DMD: variants seen among roughly 807,000 people sequenced by gnomAD.
DMD encodes mutant dystrophin.
DMD carries 63 observed loss-of-function variants against 330.1 expected under a neutral mutation model. The observed-to-expected ratio is 0.19, with a 90% CI of 0.16 to 0.24. DMD has a LOEUF of 0.24. Among genes scored for constraint, DMD ranks in the 10% least tolerant of loss-of-function variants. The pLI is 1.00. For synonymous variants in DMD, 1,223 were observed against 959.8 expected (o/e 1.27, Z -5.07); for missense variants, 3,344 against 2,684.1 (o/e 1.25, Z -5.43).
chrX:32,844,707 T>A, intron 4 of DMD, 76 bp downstream of exon 4: 1 of 874,879 alleles, frequency 1.1e-6, no homozygotes, highest in Admixed American at 2.2e-5. Flanking sequence ...TTCTCTGCAT[T>A]TGGGGCCAAA....
chrX:32,422,893 G>A (rs1027064768), intron 29 of DMD, among the ~76,000 whole-genome samples: 3 of 111,362 alleles, frequency 2.7e-5, no homozygotes, highest in Non-Finnish European at 5.7e-5. Context: ...TTAAAAAGTT[G>A]AGAGTGGTAA....
intron 55 of DMD, among the ~76,000 whole-genome samples, chrX:31,584,979 T>C (rs774964076): frequency 7.9e-4 from 87 of 110,783 alleles, no homozygotes; most frequent in Non-Finnish European, 1.4e-3. Flanking sequence ...ATAAGTTTTT[T>C]TTTTAAAGGA....
intron 62 of DMD, among the ~76,000 whole-genome samples, chrX:31,274,226 T>G (rs940732145): frequency 2.7e-4 from 30 of 112,126 alleles, no homozygotes; most frequent in African/African-American, 7.1e-4. Context: ...AAGATTTTTT[T>G]TGTGTGTGTG....
intron 50 of DMD, among the ~76,000 whole-genome samples, chrX:31,779,215 A>G (rs1366109977): frequency 8.9e-6 from 1 of 111,972 alleles, no homozygotes; most frequent in Non-Finnish European, 1.9e-5. Context: ...AGGATATATA[A>G]ATTATTACAT....
chrX:31,986,187 A>T (rs1173708353), intron 44 of DMD, among the ~76,000 whole-genome samples: 2 of 111,781 alleles, frequency 1.8e-5, no homozygotes, highest in African/African-American at 6.5e-5. Flanking sequence ...ATTATTTACA[A>T]TCACATCTGG....
chrX:32,693,315 G>A (rs749380115), intron 9 of DMD, among the ~76,000 whole-genome samples: 41 of 112,328 alleles, frequency 3.7e-4, no homozygotes, highest in Non-Finnish European at 6.2e-4. Context: ...ATGAATATGT[G>A]TTGATTAGGG....
chrX:31,483,040 CT>C (rs375059694), intron 57 of DMD, among the ~76,000 whole-genome samples: 441 of 70,726 alleles, frequency 6.2e-3, no homozygotes, highest in African/African-American at 0.018. Context: ...GGAAATGGAT[CT>C]TTTTTTTTTT....
intron 44 of DMD, among the ~76,000 whole-genome samples, chrX:32,019,662 T>G (rs1339134607): frequency 1.8e-5 from 2 of 112,237 alleles, no homozygotes; most frequent in Non-Finnish European, 3.8e-5. Flanking sequence ...TAAAACTTCC[T>G]TACGTATGCT....
At chrX:32,163,409 T>A (rs1270955980) in intron 44 of DMD, among the ~76,000 whole-genome samples, 1 of 112,091 alleles carries the variant, frequency 8.9e-6, no homozygotes, top group Non-Finnish European at 1.9e-5. Context: ...CCAAATGAGT[T>A]TACTTAGAAA....
intron 9 of DMD, among the ~76,000 whole-genome samples, chrX:32,691,228 G>T (rs1020747190): frequency 9.1e-6 from 1 of 109,445 alleles, no homozygotes; most frequent in South Asian, 3.9e-4. Context: ...CAGGGCTTAG[G>T]TAAGATTTTG....
At chrX:31,143,680 C>G (rs750664119) in intron 76 of DMD, among the ~76,000 whole-genome samples, 1 of 111,792 alleles carries the variant, frequency 8.9e-6, no homozygotes, top group Non-Finnish European at 1.9e-5. Context: ...CTCCACAGAT[C>G]ATCAGGACCA....
rs1044117783 is a variant in DMD at position 32,684,863 on chromosome X, C to T, written c.960+13007G>A. 5.4e-5 allele frequency among the ~76,000 whole-genome samples: 6 copies of T among 110,864 alleles called. No individual in the cohort carries two copies. In the East Asian group the frequency reaches 1.7e-3, roughly 31 times the overall value. ...TTATATATGAGGGCTATCAATCCTT[C>T]GTATGTTATAAATGTTACTAATAAT... On this transcript the variant is annotated intron_variant, in intron 9 of 78. Coordinates refer to ENST00000357033, the MANE Select transcript of DMD (RefSeq NM_004006.3).
At chrX:31,952,466 T>G (rs6527136) in intron 45 of DMD, among the ~76,000 whole-genome samples, 41,487 of 106,491 alleles carry the variant, frequency 0.39, 7,492 homozygotes, top group African/African-American at 0.67. Context: ...TTTTTTTCTG[T>G]CTTACTATCT....
chrX:32,665,658 T>C (rs1385975406), intron 9 of DMD, among the ~76,000 whole-genome samples: 1 of 111,810 alleles, frequency 8.9e-6, no homozygotes, highest in East Asian at 2.8e-4. Flanking sequence ...GCAAAAAATA[T>C]ATGTGCTCTC....
intron 44 of DMD, among the ~76,000 whole-genome samples, chrX:32,060,312 T>C (rs1220537008): frequency 1.8e-5 from 2 of 111,675 alleles, no homozygotes; most frequent in Admixed American, 1.9e-4. Flanking sequence ...GATCACTTTC[T>C]GGTAAGAGAC....
At chrX:33,045,707 TATA>T (rs1162318207) in intron 1 of DMD, among the ~76,000 whole-genome samples, 1 of 110,601 alleles carries the variant, frequency 9.0e-6, no homozygotes, top group African/African-American at 3.3e-5. Context: ...AGAGGAACAT[TATA>T]ATGTCCTCTT....
At chrX:31,337,338 G>A (rs1022736517) in intron 61 of DMD, among the ~76,000 whole-genome samples, 5 of 111,562 alleles carry the variant, frequency 4.5e-5, no homozygotes, top group Admixed American at 1.9e-4. Context: ...ACCTGCAGTC[G>A]CCTGAAATCA....
intron 2 of DMD, among the ~76,000 whole-genome samples, chrX:32,930,662 C>G (rs939723516): frequency 2.7e-5 from 3 of 110,325 alleles, no homozygotes; most frequent in African/African-American, 9.9e-5. Context: ...TTCCTTTAAG[C>G]TTTTGTACAT....
At chrX:32,858,042 TTA>T (rs1472993723) in intron 2 of DMD, among the ~76,000 whole-genome samples, 2 of 110,347 alleles carry the variant, frequency 1.8e-5, no homozygotes, top group African/African-American at 6.6e-5. Flanking sequence ...TGCTATCGTA[TTA>T]TTTTCGAAAC....
Sources: allele counts gnomAD v4.1 joint callset (sites outside exome capture counted in the v4.1 genomes callset), GRCh38; gene constraint gnomAD v4.1.1; transcripts MANE v1.5; gene names NCBI Gene and HGNC (gene_info 2026-07-23, HGNC 2026-07-21).